PSG7: variants seen among roughly 807,000 people sequenced by gnomAD.
PSG7 encodes pregnancy specific beta-1-glycoprotein 7.
Under a neutral mutation model 45.6 loss-of-function variants are expected in PSG7, and 57 were observed. The ratio of observed to expected loss-of-function variants is 1.25; its 90% confidence interval spans 1.01 to 1.56. The LOEUF is 1.56. Among genes scored for constraint, PSG7 ranks in the 40% most tolerant of loss-of-function variants. PSG7 has a pLI of 0.00. For synonymous variants in PSG7, 298 were observed against 194.4 expected (o/e 1.53, Z -4.43); for missense variants, 796 against 508.4 (o/e 1.57, Z -5.44).
chr19:42,936,916 G>C lies in PSG7; in HGVS notation c.64+97C>G, dbSNP rs190539736. The C allele has an allele frequency of 1.2e-5, 19 of 1,541,224 alleles. 1 individual carries two copies. Among genetic ancestry groups the C allele is most frequent in the Non-Finnish European group, 1.7e-5 (19 of 1,124,052 alleles). On this transcript the variant is annotated intron_variant, in intron 1 of 5. Coordinates refer to ENST00000406070, the MANE Select transcript of PSG7 (RefSeq NM_002783.3). The stretch of plus-strand genomic sequence containing the variant: ...CCCACCTCAGCCTCCCAAAGTGCTG[G>C]CTTCTTTTATTTTTTAGAACCCCAT...
intron 2 of PSG7, among the ~76,000 whole-genome samples, chr19:42,935,129 G>T (rs183994769): frequency 3.1e-4 from 47 of 151,962 alleles, no homozygotes; most frequent in Admixed American, 1.4e-3. Flanking sequence ...GAGGGCATGA[G>T]GTGCTTGGCT....
intron 3 of PSG7, chr19:42,927,059 A>C: frequency 2.7e-6 from 1 of 366,210 alleles, no homozygotes; most frequent in Non-Finnish European, 4.9e-6. Flanking sequence ...CATTACCTGG[A>C]ATGTGCAACT....
At chr19:42,933,715 A>G (rs1456136725) in intron 2 of PSG7, among the ~76,000 whole-genome samples, 1 of 150,992 alleles carries the variant, frequency 6.6e-6, no homozygotes, top group Non-Finnish European at 1.5e-5. Context: ...AGGGACACAG[A>G]GAAGCAGAGA....
intron 2 of PSG7, among the ~76,000 whole-genome samples, chr19:42,932,102 C>G (rs1348016171): frequency 6.6e-6 from 1 of 151,308 alleles, no homozygotes; most frequent in African/African-American, 2.4e-5. Flanking sequence ...CAGCTCACTG[C>G]AAGCTCCGCC....
At chr19:42,925,015 T>G (rs896373607) in intron 5 of PSG7, 191 bp from the exon 6 acceptor site, 5 of 615,518 alleles carry the variant, frequency 8.1e-6, no homozygotes, top group Non-Finnish European at 1.4e-5. Context: ...ATTGTTTACA[T>G]AAGTGCAGCA....
rs750053151 is a variant in PSG7, at chr19:42,926,377, G to A, written c.988+61C>T. On this transcript the variant is annotated intron_variant, in intron 4 of 5. Transcript: ENST00000406070. ...AGACTGAGAGGACTGGCCTCTGGTC[G>A]TTTGGAGTTAAGCTGGTGTCCTGGC... 29 of 1,598,936 alleles carry A rather than the reference G, an allele frequency of 1.8e-5. 1 individual carries two copies. In the East Asian group the frequency reaches 3.1e-4, roughly 17 times the overall value.
intron 2 of PSG7, among the ~76,000 whole-genome samples, chr19:42,931,473 T>C (rs1973018037): frequency 6.6e-6 from 1 of 151,562 alleles, no homozygotes; most frequent in African/African-American, 2.4e-5. Flanking sequence ...TTAGTAAATA[T>C]AGAAAGAACT....
chr19:42,933,282 TA>T (rs1568459404), intron 2 of PSG7, among the ~76,000 whole-genome samples: 8 of 7,372 alleles, frequency 1.1e-3, no homozygotes, highest in Non-Finnish European at 2.3e-3. Flanking sequence ...TATATATATA[TA>T]TATATATATA....
intron 4 of PSG7, 93 bp from the exon 5 acceptor site, chr19:42,926,120 A>G (rs1972881533): frequency 1.3e-6 from 2 of 1,536,898 alleles, no homozygotes; most frequent in South Asian, 2.5e-5. Flanking sequence ...CTCTGAGCCG[A>G]GACACACCCT....
chr19:42,932,326 G>A (rs962849692), intron 2 of PSG7, among the ~76,000 whole-genome samples: 4 of 151,510 alleles, frequency 2.6e-5, no homozygotes, highest in Admixed American at 6.6e-5. Flanking sequence ...CCATCTCTGA[G>A]GGATTTTAAC....
Position 42,924,511 on chromosome 19 carries a change from A to G in PSG7, c.*297T>C. On this transcript the variant is annotated 3_prime_UTR_variant, in exon 6 of 6. Transcript: ENST00000406070. ...GTGAAAGAGGCAGGCACAAGCAAGG[A>G]CAGCTAAGAGGGGTGAGAGCCTCAT... The G allele has an allele frequency of 3.5e-6, 2 of 574,770 alleles. No homozygotes were observed. Among genetic ancestry groups the G allele is most frequent in the Non-Finnish European group, 3.1e-6 (1 of 325,786 alleles). The allele number at this position is 574,770 out of a possible 1,614,324, so 35.6% of individuals were successfully genotyped here. A position where few individuals can be genotyped will look rare whatever the true frequency, so the allele number is the denominator to read the frequency against.
In PSG7 at chr19:42,937,043, G is replaced by A. The variant is rs1173402229; in HGVS notation, c.34C>T (p.His12Tyr). 2 of 1,611,588 alleles carry A rather than the reference G, an allele frequency of 1.2e-6. No homozygotes were observed. Among genetic ancestry groups the A allele is most frequent in the East Asian group, 2.2e-5 (1 of 44,782 alleles). ...GPLSAPPCTQHITWKGLLLTA... is the reference protein window; with the variant it reads ...GPLSAPPCTQYITWKGLLLTA... Reference sequence around the variant, plus strand: ...AGCAGGAGCCCTTTCCAGGTTATATGCTGTGTGCAGGGAGGGGCTGAGAGG... The same window carrying A: ...AGCAGGAGCCCTTTCCAGGTTATATACTGTGTGCAGGGAGGGGCTGAGAGG... Residue 12 changes from histidine (H) to tyrosine (Y), a missense_variant, in exon 1 of 6, where the codon CAT (histidine) becomes TAT (tyrosine). Transcript: ENST00000406070.
At chr19:42,927,009 T>G (rs958630069) in intron 3 of PSG7, 13 of 510,062 alleles carry the variant, frequency 2.5e-5, no homozygotes, top group African/African-American at 2.1e-4. Flanking sequence ...CCCCTCCCAG[T>G]CCCTCACTAA....
Position 42,933,283 on chromosome 19 carries a change from ATATATATATATATATATATATATAT to A in PSG7, c.430+2096_430+2120del, listed in dbSNP as rs985977242. 1.5e-3 allele frequency among the ~76,000 whole-genome samples: 10 copies of A among 6,746 alleles called. 2 individuals carry two copies. The South Asian group carries it at 0.033, about 22-fold the overall frequency. 4.4% of individuals were successfully genotyped at this position (6,746 alleles called of 152,430 possible). A position where few individuals can be genotyped will look rare whatever the true frequency, so the allele number is the denominator to read the frequency against. ...ACCATTTCAATATATATATATATAT[ATATATATATATATATATATATATAT>A]TTTTTTTTTTTTTTGGTGTATGTAT... On this transcript the variant is annotated intron_variant, in intron 2 of 5. Coordinates refer to ENST00000406070, the MANE Select transcript of PSG7 (RefSeq NM_002783.3).
intron 1 of PSG7, among the ~76,000 whole-genome samples, chr19:42,936,655 T>A (rs745371344): frequency 2.0e-5 from 3 of 151,256 alleles, no homozygotes; most frequent in Non-Finnish European, 4.4e-5. Flanking sequence ...CTTTTTTCCT[T>A]TTTTTCTTTT....
chr19:42,936,918 T>C (rs1600575807), intron 1 of PSG7, 95 bp downstream of exon 1: 2 of 1,547,902 alleles, frequency 1.3e-6, no homozygotes, highest in Admixed American at 1.7e-5. Context: ...AAGTGCTGGC[T>C]TCTTTTATTT....
At position 42,931,099 on chromosome 19, in the gene PSG7, A is replaced by G. The variant is rs187611506; in HGVS notation, c.431-1379T>C. 5.3e-5 allele frequency among the ~76,000 whole-genome samples: 8 copies of G among 151,616 alleles called. 1 individual carries two copies. Among genetic ancestry groups the G allele is most frequent in the African/African-American group, 1.9e-4 (8 of 41,294 alleles). On this transcript the variant is annotated intron_variant, in intron 2 of 5. Transcript: ENST00000406070. ...CTGGATTTGGGATGCTCAATTCGTA[A>G]TACTGTAATTTTCCCATAAAATGTT... is the stretch of plus-strand genomic sequence containing the variant.
rs551413246 is a variant in PSG7, at chr19:42,926,739, A to G, written c.710-23T>C. 14 of 1,608,530 alleles carry G rather than the reference A, an allele frequency of 8.7e-6. No homozygotes were observed. In the South Asian group the frequency reaches 1.2e-4, roughly 14 times the overall value. On this transcript the variant is annotated intron_variant, in intron 3 of 5. Transcript: ENST00000406070. ...TCGCTGTGTGAATAACAGAGAGAAG[A>G]TTGTCCTGTGTGGCACCTTTGATTC...
chr19:42,931,731 G>T (rs1353211973), intron 2 of PSG7, among the ~76,000 whole-genome samples: 2 of 151,374 alleles, frequency 1.3e-5, no homozygotes, highest in Admixed American at 1.3e-4. Context: ...AAAACCATGA[G>T]ATAGCACCTA....
Sources: gnomAD v4.1 joint callset for allele counts (sites outside exome capture counted in the v4.1 genomes callset) on GRCh38, gnomAD v4.1.1 for gene constraint, MANE v1.5 for transcripts, NCBI Gene and HGNC (gene_info 2026-07-23, HGNC 2026-07-21) for gene names.